The following ILDR2 variants were observed in gnomAD, a reference collection of about 807,000 sequenced individuals.
The protein encoded by ILDR2 is immunoglobulin-like domain-containing receptor 2.
A neutral mutation model predicts 66.8 loss-of-function variants in ILDR2; 25 were observed. The observed-to-expected ratio is 0.37, with a 90% CI of 0.27 to 0.52. The LOEUF (loss-of-function observed/expected upper bound fraction) is 0.52. Ranked by LOEUF, ILDR2 falls within the 20% of genes least tolerant of loss-of-function variation. The pLI, the probability that ILDR2 is intolerant of heterozygous loss-of-function variation, is 0.88. For missense variants in ILDR2, 827 were observed against 876.8 expected (o/e 0.94, Z 0.72); for synonymous variants, 367 against 357.2 (o/e 1.03, Z -0.31).
Position 166,921,737 on chromosome 1 carries a change from A to G in ILDR2, c.1212-358T>C, listed in dbSNP as rs1303925218. 6.6e-6 allele frequency among the ~76,000 whole-genome samples: 1 copy of G among 152,204 alleles called. No individual in the cohort carries two copies. The highest frequency in any genetic ancestry group is 1.5e-5 in the Non-Finnish European group (1 of 68,030). On this transcript the variant is annotated intron_variant, in intron 8 of 9. Coordinates refer to ENST00000271417, the MANE Select transcript of ILDR2 (RefSeq NM_199351.3). The surrounding 1 kb of genome is among the most constrained non-coding windows in gnomAD (Gnocchi z 5.3). ...CCTCAAAGCCAGCGCAGGTGTCAGT[A>G]CACACAGTTATGGTCCCAGGAGTCC...
chr1:166,925,527 G>A (rs2101868746), intron 7 of ILDR2, among the ~76,000 whole-genome samples: 2 of 152,234 alleles, frequency 1.3e-5, no homozygotes, highest in African/African-American at 4.8e-5. Context: ...AGAAGGCTGT[G>A]GTCTCTGAAC....
At chr1:166,945,929 AT>A (rs1192092791) in intron 3 of ILDR2, among the ~76,000 whole-genome samples, 1 of 152,102 alleles carries the variant, frequency 6.6e-6, no homozygotes, top group African/African-American at 2.4e-5. Flanking sequence ...CTTCTCCCTT[AT>A]GTTTAATGCA....
chr1:166,899,480 C>A (rs1351514772), intron 2 of ILDR2, among the ~76,000 whole-genome samples: 1 of 151,910 alleles, frequency 6.6e-6, no homozygotes, highest in Non-Finnish European at 1.5e-5. Context: ...TTTGAACATA[C>A]ACGTGCTAAC....
chr1:166,898,243 G>C (rs942999835), intron 2 of ILDR2, among the ~76,000 whole-genome samples: 1 of 152,174 alleles, frequency 6.6e-6, no homozygotes, highest in Non-Finnish European at 1.5e-5. Flanking sequence ...ATTCAGGAGA[G>C]AGTCCAGGCT....
chr1:166,967,955 A>T (rs541374284), intron 1 of ILDR2, among the ~76,000 whole-genome samples: 1 of 152,246 alleles, frequency 6.6e-6, no homozygotes, highest in Non-Finnish European at 1.5e-5. Context: ...GTGCCATGTG[A>T]GTTGAGGATC....
rs200789395 is a variant in ILDR2 at position 166,936,706 on chromosome 1, G to T, written c.588C>A (p.Gly196=). 4 of 1,614,128 alleles carry T rather than the reference G, an allele frequency of 2.5e-6. No individual in the cohort carries two copies. Among genetic ancestry groups the T allele is most frequent in the Non-Finnish European group, 3.4e-6 (4 of 1,180,014 alleles). ...EWVFVGLVLL[G]VFLFFVLVGI... is the part of the protein sequence containing the mutation. ...CCACCAGGACGAAGAAGAGGAAGAC[G>T]CCCAGGAGCACCAGGCCAACAAACA... Residue 196 remains glycine (G), a synonymous_variant, in exon 5 of 10, where the codon GGC becomes GGA. Coordinates refer to ENST00000271417, the MANE Select transcript of ILDR2 (RefSeq NM_199351.3). The surrounding 1 kb of genome is among the most constrained non-coding windows in gnomAD (Gnocchi z 5.0).
At chr1:166,943,824 A>G (rs1571159561) in intron 3 of ILDR2, 3 of 985,194 alleles carry the variant, frequency 3.0e-6, no homozygotes, top group East Asian at 2.3e-4. Flanking sequence ...AAGAGTGGCA[A>G]TTACAAGTCA....
intron 1 of ILDR2, among the ~76,000 whole-genome samples, chr1:166,963,382 T>C (rs1310381721): frequency 6.6e-6 from 1 of 152,216 alleles, no homozygotes; most frequent in African/African-American, 2.4e-5. Context: ...AAGAGACTGA[T>C]GCTCAGATAA....
chr1:166,934,769 C>T (rs891645204), intron 6 of ILDR2, among the ~76,000 whole-genome samples: 2 of 152,238 alleles, frequency 1.3e-5, no homozygotes, highest in African/African-American at 4.8e-5. Flanking sequence ...ATGTGCTTTC[C>T]TAAATCCTAT....
chr1:166,898,153 C>A (rs1452874046), intron 2 of ILDR2, among the ~76,000 whole-genome samples: 1 of 152,050 alleles, frequency 6.6e-6, no homozygotes, highest in Non-Finnish European at 1.5e-5. Flanking sequence ...AGTTGGGGCA[C>A]GAATTTGGTA....
chr1:166,945,698 A>G (rs1002901153), intron 3 of ILDR2, among the ~76,000 whole-genome samples: 6 of 152,210 alleles, frequency 3.9e-5, no homozygotes, highest in Admixed American at 1.3e-4. Flanking sequence ...TGCTTACTCA[A>G]TCACTTGATA....
intron 2 of ILDR2, among the ~76,000 whole-genome samples, chr1:166,898,916 C>T (rs1388975294): frequency 6.6e-6 from 1 of 151,598 alleles, no homozygotes; most frequent in African/African-American, 2.4e-5. Context: ...AGAAATTAGC[C>T]GGACATGGTG....
In ILDR2 at chr1:166,975,325, AGAAG is replaced by A; in HGVS notation, c.-61_-58del. On this transcript the variant is annotated 5_prime_UTR_variant, in exon 1 of 10. Coordinates refer to ENST00000271417, the MANE Select transcript of ILDR2 (RefSeq NM_199351.3). The stretch of plus-strand genomic sequence containing the variant: ...GAGGAAAGTGGGAAATGGCTGGAAC[AGAAG>A]GATCGCTGTCACCCCGCGGCAGCGG... The A allele has an allele frequency of 6.5e-7, 1 of 1,535,592 alleles. No homozygotes were observed. The highest frequency in any genetic ancestry group is 1.1e-5 in the South Asian group (1 of 87,290).
intron 1 of ILDR2, among the ~76,000 whole-genome samples, chr1:166,960,953 T>C (rs1373724788): frequency 6.6e-6 from 1 of 152,156 alleles, no homozygotes; most frequent in Non-Finnish European, 1.5e-5. Flanking sequence ...ACAAGAGAGG[T>C]GAAATGACTT....
In ILDR2 at chr1:166,920,782, C is replaced by CG; in HGVS notation, c.1808dup (p.Ser604ValfsTer27). 6.6e-7 allele frequency: 1 copy of CG among 1,519,306 alleles called. No homozygotes were observed. The highest frequency in any genetic ancestry group is 8.8e-7 in the Non-Finnish European group (1 of 1,134,218). The allele number at this position is 1,519,306 out of a possible 1,614,324, so 94.1% of individuals were successfully genotyped here. On this transcript the variant is annotated frameshift_variant, in exon 9 of 10. Coordinates refer to ENST00000271417, the MANE Select transcript of ILDR2 (RefSeq NM_199351.3). LOFTEE classifies it high-confidence loss of function. ...AGGGCAGGTCGCGGCCGCGGTAGGA[C>CG]GGGCCGCGGGTCAGCTCCAGCTCGC... is the stretch of plus-strand genomic sequence containing the variant.
chr1:166,958,489 T>C (rs926558010), intron 1 of ILDR2, among the ~76,000 whole-genome samples: 49 of 152,170 alleles, frequency 3.2e-4, no homozygotes, highest in African/African-American at 1.1e-3. Context: ...AGGTGCTTGT[T>C]TCCCCTTTGC....
Position 166,909,512 on chromosome 1 carries a change from T to C in ILDR2, c.*9843A>G, listed in dbSNP as rs997469462. 6.6e-6 allele frequency: 1 copy of C among 151,612 alleles called. No homozygotes were observed. The highest frequency in any genetic ancestry group is 1.5e-5 in the Non-Finnish European group (1 of 67,964). The allele number at this position is 151,612 out of a possible 1,614,324, so 9.4% of individuals were successfully genotyped here. On this transcript the variant is annotated 3_prime_UTR_variant, in exon 10 of 10. Coordinates refer to ENST00000271417, the MANE Select transcript of ILDR2 (RefSeq NM_199351.3). ...TGTCATTTGCAACCAAAAATTTTTTTACTAATACAGCTGCCAAAGGAATGA... is the reference window on the plus strand; with the variant it reads ...TGTCATTTGCAACCAAAAATTTTTTCACTAATACAGCTGCCAAAGGAATGA...
rs776282577 is a variant in ILDR2, at chr1:166,922,658, A to G, written c.1146T>C (p.Ser382=). ...TGGCTGAGGGCCCGCGGCTTGCCCC[A>G]CTGCTGCCTCCCATGACACCTGACC... ...DYWSGVMGGS[S]GASRGPSAME... Residue 382 remains serine (S), a synonymous_variant, in exon 8 of 10, where the codon AGT becomes AGC. Coordinates refer to ENST00000271417, the MANE Select transcript of ILDR2 (RefSeq NM_199351.3). 3.1e-6 allele frequency: 5 copies of G among 1,614,100 alleles called. No individual in the cohort carries two copies. In the East Asian group the frequency reaches 8.9e-5, roughly 29 times the overall value.
rs1557928087 is a variant in ILDR2 at position 166,919,355 on chromosome 1, T to A, written c.1920A>T (p.Ter640CysextTer8). The A allele has an allele frequency of 1.2e-6, 2 of 1,612,532 alleles. No homozygotes were observed. Among genetic ancestry groups the A allele is most frequent in the Non-Finnish European group, 8.5e-7 (1 of 1,178,766 alleles). ...ATTATCCAGAGAAATGTTGACAACATCAGACCACAAGGGACATCCTGGTTG... is the reference window on the plus strand; with the variant it reads ...ATTATCCAGAGAAATGTTGACAACAACAGACCACAAGGGACATCCTGGTTG... ...DFPTRMSLVV[*>C] Residue 640 changes from the stop codon to cysteine (C), a stop_lost, in exon 10 of 10, where the codon TGA becomes TGT. Transcript: ENST00000271417.
Sources: gnomAD v4.1 joint callset for allele counts (sites outside exome capture counted in the v4.1 genomes callset) on GRCh38, gnomAD v4.1.1 for gene constraint, Gnocchi (gnomAD v3.1) non-coding constraint, MANE v1.5 for transcripts, NCBI Gene and HGNC (gene_info 2026-07-23, HGNC 2026-07-21) for gene names.